The following AMDHD1 variants were observed in gnomAD, a reference collection of about 807,000 sequenced individuals.
The protein encoded by AMDHD1 is probable imidazolonepropionase.
AMDHD1 carries 45 observed loss-of-function variants against 44.1 expected under a neutral mutation model. That is an observed-to-expected ratio of 1.02 (90% CI 0.80 to 1.31). AMDHD1 has a LOEUF of 1.31. AMDHD1 is among the 50% of genes most tolerant of loss of function. AMDHD1 has a pLI of 0.00. For missense variants in AMDHD1, 586 were observed against 552.1 expected, an observed-to-expected ratio of 1.06 and a Z score of -0.61; for synonymous variants, 206 against 205.0, an observed-to-expected ratio of 1.00 and a Z score of -0.04.
In AMDHD1 at chr12:95,956,848, G is replaced by A. The variant is rs1340465065; in HGVS notation, c.473G>A (p.Gly158Glu). 1 of 1,614,016 alleles carries A rather than the reference G, an allele frequency of 6.2e-7. No individual in the cohort carries two copies. The highest frequency in any genetic ancestry group is 1.3e-5 in the African/African-American group (1 of 74,952). Reference protein sequence around the residue: ...AGTTLVECKSGYGLDLETELK... With the variant: ...AGTTLVECKSEYGLDLETELK... ...ACCACGCTGGTGGAGTGCAAGAGTG[G>A]ATATGGCCTCGACCTGGAGACCGAG... The change falls in exon 4 of 9, where the codon GGA (glycine) becomes GAA (glutamate). Residue 158 changes from glycine (G) to glutamate (E), a missense_variant. Gly to Glu is a moderately conservative substitution (Grantham distance 98). Coordinates refer to ENST00000266736, the MANE Select transcript of AMDHD1 (RefSeq NM_152435.3).
intron 7 of AMDHD1, 42 bp downstream of exon 7, chr12:95,965,821 C>A: frequency 8.0e-7 from 1 of 1,243,822 alleles, no homozygotes; most frequent in Non-Finnish European, 1.1e-6. Flanking sequence ...AGAGTATCTA[C>A]CAAGCATATA....
chr12:95,960,424 A>G lies in AMDHD1; in HGVS notation c.614A>G (p.Asp205Gly), dbSNP rs756481811. ...PKGKTATEAA[D>G]DIINNHLPKL... is the part of the protein sequence containing the mutation. The stretch of plus-strand genomic sequence containing the variant: ...GGAAAAACTGCTACTGAAGCTGCTG[A>G]TGACATCATCAATAACCACCTCCCA... Residue 205 changes from aspartate (D) to glycine (G), a missense_variant, in exon 5 of 9, where the codon GAT becomes GGT. Asp to Gly is a moderately conservative substitution (Grantham distance 94). Coordinates refer to ENST00000266736, the MANE Select transcript of AMDHD1 (RefSeq NM_152435.3). 9 of 1,614,196 alleles carry G rather than the reference A, an allele frequency of 5.6e-6. No homozygotes were observed. Among genetic ancestry groups the G allele is most frequent in the Non-Finnish European group, 6.8e-6 (8 of 1,180,036 alleles).
At position 95,956,824 on chromosome 12, in the gene AMDHD1, C is replaced by T. The variant is rs1401977676; in HGVS notation, c.449C>T (p.Thr150Ile). 1.9e-6 allele frequency: 3 copies of T among 1,614,210 alleles called. No individual in the cohort carries two copies. Among genetic ancestry groups the T allele is most frequent in the South Asian group, 1.1e-5 (1 of 91,084 alleles). Reference sequence around the variant, plus strand: ...CTCCAGTGCATGATGAGGGCTGGCACCACGCTGGTGGAGTGCAAGAGTGGA... The same window carrying T: ...CTCCAGTGCATGATGAGGGCTGGCATCACGCTGGTGGAGTGCAAGAGTGGA... ...QRLQCMMRAG[T>I]TLVECKSGYG... Residue 150 changes from threonine to isoleucine, a missense_variant, in exon 4 of 9, where the codon ACC (threonine) becomes ATC (isoleucine). By Grantham distance (89) the Thr-to-Ile change is moderately conservative. Coordinates refer to ENST00000266736, the MANE Select transcript of AMDHD1 (RefSeq NM_152435.3).
intron 5 of AMDHD1, among the ~76,000 whole-genome samples, chr12:95,961,333 G>A (rs909549747): frequency 6.6e-5 from 10 of 152,156 alleles, no homozygotes; most frequent in Non-Finnish European, 1.5e-4. Context: ...GCCACAAGAT[G>A]ATTTTCAAAT....
chr12:95,956,397 C>G (rs1480640778), intron 3 of AMDHD1, among the ~76,000 whole-genome samples: 1 of 152,142 alleles, frequency 6.6e-6, no homozygotes, highest in African/African-American at 2.4e-5. Context: ...CGTGAGCCAC[C>G]GCGCCAGGCC....
At chr12:95,949,140 T>TAA (rs1170844527) in intron 1 of AMDHD1, among the ~76,000 whole-genome samples, 77 of 4,446 alleles carry the variant, frequency 0.017, 1 homozygote, top group Non-Finnish European at 0.02. Context: ...AAAAATAAAT[T>TAA]AAAAAAAAAA....
At chr12:95,956,112 G>GTTTTGTTTT (rs2080548100) in intron 3 of AMDHD1, among the ~76,000 whole-genome samples, 4 of 143,254 alleles carry the variant, frequency 2.8e-5, no homozygotes, top group Admixed American at 7.0e-5. Context: ...TGTTTTGTTT[G>GTTTTGTTTT]TTTGTTTGTT....
rs78051853 is a variant in AMDHD1 at position 95,955,955 on chromosome 12, A to G, written c.310-730A>G. 6.1e-3 allele frequency among the ~76,000 whole-genome samples: 930 copies of G among 152,222 alleles called. 8 individuals are homozygous for G. Among genetic ancestry groups the G allele is most frequent in the African/African-American group, 0.021 (873 of 41,532 alleles). On this transcript the variant is annotated intron_variant, in intron 3 of 8. Transcript: ENST00000266736. ...TTTAGTGGAGATCTGAATAATTGCA[A>G]TGGGGTTCCCTGCAACTCCTGAATT...
At chr12:95,949,145 AAAAAAAAAAAAAAAG>A (rs2080514924) in intron 1 of AMDHD1, among the ~76,000 whole-genome samples, 1 of 18,490 alleles carries the variant, frequency 5.4e-5, no homozygotes, top group Non-Finnish European at 8.5e-5. Context: ...TAAATTAAAA[AAAAAAAAAAAAAAAG>A]AAAAAAAAAA....
At chr12:95,956,056 G>T (rs2080547655) in intron 3 of AMDHD1, among the ~76,000 whole-genome samples, 2 of 152,012 alleles carry the variant, frequency 1.3e-5, no homozygotes, top group African/African-American at 4.8e-5. Flanking sequence ...ATTGCGGGTT[G>T]ATTGACTTGT....
At position 95,943,486 on chromosome 12, in the gene AMDHD1, G is replaced by A. The variant is rs1422404378; in HGVS notation, c.88G>A (p.Ala30Thr). 8 of 1,501,086 alleles carry A rather than the reference G, an allele frequency of 5.3e-6. No individual in the cohort carries two copies. The East Asian group carries it at 2.2e-4, about 42-fold the overall frequency. The allele number at this position is 1,501,086 out of a possible 1,614,324, so 93.0% of individuals were successfully genotyped here. A position where few individuals can be genotyped will look rare whatever the true frequency, so the allele number is the denominator to read the frequency against. ...ARGERFLARD[A>T]LRSLAVLEGA... ...CGGCGAGCGCTTCCTGGCGCGGGAT[G>A]CGCTGCGCAGCCTGGCGGTGCTGGA... Residue 30 changes from alanine (A) to threonine (T), a missense_variant, in exon 1 of 9, where the codon GCG becomes ACG. Coordinates refer to ENST00000266736, the MANE Select transcript of AMDHD1 (RefSeq NM_152435.3).
At chr12:95,966,558 C>A in intron 8 of AMDHD1, 50 bp downstream of exon 8, 2 of 1,601,524 alleles carry the variant, frequency 1.2e-6, no homozygotes, top group South Asian at 1.1e-5. Context: ...CTGAAGTATG[C>A]AGATGAGGCC....
chr12:95,957,671 A>G (rs1410648095), intron 4 of AMDHD1, among the ~76,000 whole-genome samples: 1 of 152,206 alleles, frequency 6.6e-6, no homozygotes, highest in African/African-American at 2.4e-5. Context: ...AGATAAATAT[A>G]ATACTACAGA....
At chr12:95,963,694 C>A (rs2080594361) in intron 6 of AMDHD1, among the ~76,000 whole-genome samples, 2 of 152,174 alleles carry the variant, frequency 1.3e-5, no homozygotes, top group South Asian at 4.1e-4. Flanking sequence ...GTCTCCACCA[C>A]CCAAGAAATA....
intron 6 of AMDHD1, 73 bp downstream of exon 6, chr12:95,962,552 A>G: frequency 2.7e-6 from 4 of 1,474,588 alleles, no homozygotes; most frequent in Non-Finnish European, 3.6e-6. Flanking sequence ...CAAAGTGCCC[A>G]GACATTATTT....
At chr12:95,965,900 C>A in intron 7 of AMDHD1, 121 bp downstream of exon 7, 4 of 728,092 alleles carry the variant, frequency 5.5e-6, no homozygotes, top group Non-Finnish European at 4.1e-6. Flanking sequence ...TTCTGTGAAA[C>A]AAGAAAAAAA....
intron 2 of AMDHD1, among the ~76,000 whole-genome samples, chr12:95,954,253 A>G (rs2080538850): frequency 6.6e-6 from 1 of 152,140 alleles, no homozygotes; most frequent in Non-Finnish European, 1.5e-5. Context: ...TTTGCCAACT[A>G]GGGGGCTTGA....
chr12:95,963,561 A>T (rs1428374659), intron 6 of AMDHD1, among the ~76,000 whole-genome samples: 8 of 152,212 alleles, frequency 5.3e-5, no homozygotes. Context: ...TATTATTATT[A>T]CTATTCTCTT....
At chr12:95,959,076 GAAAAGAAA>G (rs1353925837) in intron 4 of AMDHD1, among the ~76,000 whole-genome samples, 3 of 147,566 alleles carry the variant, frequency 2.0e-5, no homozygotes, top group African/African-American at 7.5e-5. Context: ...AAAAAAAAAA[GAAAAGAAA>G]AAAAGAAAAA....
Sources: allele counts gnomAD v4.1 joint callset (sites outside exome capture counted in the v4.1 genomes callset), GRCh38; gene constraint gnomAD v4.1.1; transcripts MANE v1.5; gene names NCBI Gene and HGNC (gene_info 2026-07-23, HGNC 2026-07-21).